PGAP4: variants seen among roughly 807,000 people sequenced by gnomAD.
PGAP4 encodes GPI-N-acetylgalactosamine transferase PGAP4.
In PGAP4, 12 loss-of-function variants were observed where a neutral mutation model predicts 28.2. The ratio of observed to expected loss-of-function variants is 0.42; its 90% CI spans 0.27 to 0.69. The LOEUF (loss-of-function observed/expected upper bound fraction) is 0.69. Among genes scored for constraint, PGAP4 ranks in the 30% least tolerant of loss-of-function variants. PGAP4 has a pLI of 0.22. For synonymous variants in PGAP4, 205 were observed against 211.8 expected (o/e 0.97, Z 0.28); for missense variants, 425 against 513.5 (o/e 0.83, Z 1.67).
At chr9:101,477,259 T>G (rs1826354899) in intron 1 of PGAP4, 90 bp from the exon 2 acceptor site, 9 of 941,812 alleles carry the variant, frequency 9.6e-6, no homozygotes, top group Non-Finnish European at 1.3e-5. Context: ...AGAACTGAGC[T>G]CAGCACATAT....
At position 101,510,020 on chromosome 9, in the gene PGAP4, T is replaced by C. The variant is rs73501295; in HGVS notation, c.-164-20820A>G. ...TCCTCATGCACATCCTCCTGAAAAA[T>C]ATAGTGCACAAAAACAAGCATTGTT... On this transcript the variant is annotated intron_variant, in intron 2 of 3. Transcript: ENST00000374851. Among the ~76,000 whole-genome samples, 1,347 of 152,194 alleles carry C rather than the reference T, an allele frequency of 8.9e-3. 16 individuals are homozygous for C. The highest frequency in any genetic ancestry group is 0.031 in the African/African-American group (1,283 of 41,536).
chr9:101,530,519 T>C (rs1388397894), intron 2 of PGAP4, among the ~76,000 whole-genome samples: 2 of 152,244 alleles, frequency 1.3e-5, no homozygotes, highest in Non-Finnish European at 2.9e-5. Flanking sequence ...CTTTTTATCA[T>C]TGCTAATGCT....
chr9:101,483,369 G>A (rs1042269258), intron 1 of PGAP4, among the ~76,000 whole-genome samples: 1 of 151,916 alleles, frequency 6.6e-6, no homozygotes, highest in African/African-American at 2.4e-5. Context: ...CTCATCTATC[G>A]ATCCTCATAA....
At chr9:101,490,646 G>A (rs901435308), upstream of PGAP4, among the ~76,000 whole-genome samples, 1 of 152,144 alleles carries the variant, frequency 6.6e-6, no homozygotes, top group African/African-American at 2.4e-5. Context: ...TGATTTGATT[G>A]TATAGCAGCA....
chr9:101,524,936 C>T (rs1827021760), intron 2 of PGAP4, among the ~76,000 whole-genome samples: 1 of 152,162 alleles, frequency 6.6e-6, no homozygotes, highest in Admixed American at 6.5e-5. Flanking sequence ...AATGCGAGCT[C>T]CCACACGCTG....
Position 101,504,037 on chromosome 9 carries a change from G to GT in PGAP4, c.-164-14838dup, listed in dbSNP as rs200459694. 2.3e-3 allele frequency among the ~76,000 whole-genome samples: 348 copies of GT among 151,542 alleles called. 3 individuals are homozygous for GT. The highest frequency in any genetic ancestry group is 7.6e-3 in the African/African-American group (313 of 41,382). The stretch of plus-strand genomic sequence containing the variant: ...AGGAAGACAATCCCCCAAAAGGCCA[G>GT]TTTTTTTTCTAAAAAAGTGGGAGAT... On this transcript the variant is annotated intron_variant, in intron 2 of 3. Coordinates refer to the PGAP4 transcript ENST00000374851.
chr9:101,482,211 G>A (rs1178898376), intron 1 of PGAP4, among the ~76,000 whole-genome samples: 1 of 152,354 alleles, frequency 6.6e-6, no homozygotes, highest in African/African-American at 2.4e-5. Flanking sequence ...ACTTTGGGAC[G>A]CCGAGGCAGG....
chr9:101,504,557 G>T (rs960184551), intron 2 of PGAP4, among the ~76,000 whole-genome samples: 1 of 151,814 alleles, frequency 6.6e-6, no homozygotes, highest in Non-Finnish European at 1.5e-5. Flanking sequence ...GTTTCTCTCA[G>T]GTCCAAGCTC....
At chr9:101,490,636 T>A (rs1364558291), upstream of PGAP4, among the ~76,000 whole-genome samples, 1 of 152,212 alleles carries the variant, frequency 6.6e-6, no homozygotes, top group Non-Finnish European at 1.5e-5. Context: ...TAGTCCTCCT[T>A]GATTTGATTG....
chr9:101,519,268 C>T (rs1826966075), intron 2 of PGAP4, among the ~76,000 whole-genome samples: 1 of 152,134 alleles, frequency 6.6e-6, no homozygotes, highest in South Asian at 2.1e-4. Flanking sequence ...AGCGATTCTC[C>T]TGCCTCAGCC....
At chr9:101,530,187 T>C (rs1306176308) in intron 2 of PGAP4, among the ~76,000 whole-genome samples, 1 of 152,266 alleles carries the variant, frequency 6.6e-6, no homozygotes, top group African/African-American at 2.4e-5. Context: ...CCTCAGTAGT[T>C]GTCCAAGTTT....
chr9:101,516,542 T>C (rs545985248), intron 2 of PGAP4, among the ~76,000 whole-genome samples: 36 of 152,292 alleles, frequency 2.4e-4, no homozygotes, highest in African/African-American at 8.7e-4. Context: ...TAGAAGTAAA[T>C]GCTCAATTTC....
chr9:101,518,008 A>G (rs771118497), intron 2 of PGAP4, among the ~76,000 whole-genome samples: 17 of 152,106 alleles, frequency 1.1e-4, no homozygotes, highest in South Asian at 2.1e-4. Context: ...ACAGCACCCA[A>G]TAGGTCACCC....
upstream of PGAP4, among the ~76,000 whole-genome samples, chr9:101,491,054 C>T (rs753155075): frequency 6.6e-6 from 1 of 152,100 alleles, no homozygotes; most frequent in Non-Finnish European, 1.5e-5. Context: ...ATACCAGCTT[C>T]TTCTGTTTGA....
At chr9:101,510,253 T>A (rs1385580553) in intron 2 of PGAP4, among the ~76,000 whole-genome samples, 1 of 152,184 alleles carries the variant, frequency 6.6e-6, no homozygotes, top group Non-Finnish European at 1.5e-5. Context: ...ACAGGCAGGA[T>A]CAATTCTTCA....
intron 2 of PGAP4, among the ~76,000 whole-genome samples, chr9:101,513,119 C>T (rs113092278): frequency 2.8e-4 from 43 of 152,236 alleles, no homozygotes; most frequent in African/African-American, 1.0e-3. Flanking sequence ...TATTACTTTA[C>T]CAAAATACCA....
At chr9:101,482,692 C>T (rs1826521316) in intron 1 of PGAP4, among the ~76,000 whole-genome samples, 1 of 152,192 alleles carries the variant, frequency 6.6e-6, no homozygotes, top group Non-Finnish European at 1.5e-5. Flanking sequence ...CACTGTCTAA[C>T]TCAACCATCA....
At chr9:101,496,687 A>G (rs999086549) in intron 2 of PGAP4, among the ~76,000 whole-genome samples, 2 of 151,246 alleles carry the variant, frequency 1.3e-5, no homozygotes, top group African/African-American at 4.8e-5. Context: ...TTTGTCTTAC[A>G]TGTTCTTTAA....
intron 2 of PGAP4, among the ~76,000 whole-genome samples, chr9:101,508,258 G>C (rs78574637): frequency 0.039 from 5,965 of 151,804 alleles, 165 homozygotes; most frequent in Admixed American, 0.077. Context: ...GTCTGCTCAA[G>C]AGGCAGAGCT....
Sources: gnomAD v4.1 joint callset for allele counts (sites outside exome capture counted in the v4.1 genomes callset) on GRCh38, gnomAD v4.1.1 for gene constraint, MANE v1.5 for transcripts, NCBI Gene and HGNC (gene_info 2026-07-23, HGNC 2026-07-21) for gene names.